The following IL2RB variants were observed in gnomAD, a reference collection of about 807,000 sequenced individuals.
IL2RB encodes the protein interleukin 2 receptor subunit beta.
Under a neutral mutation model 44.2 loss-of-function variants are expected in IL2RB, and 17 were observed. The ratio of observed to expected loss-of-function variants is 0.38; its 90% CI spans 0.26 to 0.58. The LOEUF (loss-of-function observed/expected upper bound fraction) is 0.58. Ranked by LOEUF, IL2RB falls within the 20% of genes least tolerant of loss-of-function variation. IL2RB has a pLI of 0.63. For synonymous variants in IL2RB, 286 were observed against 297.9 expected (o/e 0.96, Z 0.41); for missense variants, 624 against 685.5 (o/e 0.91, Z 1.00).
At chr22:37,158,821 C>T (rs1341106214) in intron 1 of IL2RB, among the ~76,000 whole-genome samples, 1 of 152,242 alleles carries the variant, frequency 6.6e-6, no homozygotes, top group Non-Finnish European at 1.5e-5. Context: ...CCAAGTCCTC[C>T]AGCCAGTTTC....
chr22:37,131,530 G>A (rs752253618), intron 9 of IL2RB, among the ~76,000 whole-genome samples: 11 of 152,170 alleles, frequency 7.2e-5, no homozygotes, highest in South Asian at 2.1e-4. Flanking sequence ...TCTGCGGGCC[G>A]GCACTTTAAA....
chr22:37,154,973 C>T, intron 1 of IL2RB, among the ~76,000 whole-genome samples: 1 of 152,174 alleles, frequency 6.6e-6, no homozygotes, highest in East Asian at 1.9e-4. Flanking sequence ...CCTCACCCCT[C>T]CTCAGACAAT....
Position 37,128,319 on chromosome 22 carries a change from C to T in IL2RB, c.1433G>A (p.Gly478Glu), listed in dbSNP as rs1921226894. The change falls in exon 10 of 10, where the codon GGA becomes GAA. Residue 478 changes from glycine (G) to glutamate (E), a missense_variant. Transcript: ENST00000216223. The surrounding 1 kb of genome is among the most constrained non-coding windows in gnomAD (Gnocchi z 4.5). The stretch of plus-strand genomic sequence containing the variant: ...CTGAAAATCCACCAGGTCTGGGACT[C>T]CTGGGGTGGGAGGCCCCAGGGGCTG... ...DPQPLGPPTPGVPDLVDFQPP... is the reference protein window; with the variant it reads ...DPQPLGPPTPEVPDLVDFQPP... 2.7e-6 allele frequency: 4 copies of T among 1,503,572 alleles called. No individual in the cohort carries two copies. The highest frequency in any genetic ancestry group is 3.5e-6 in the Non-Finnish European group (4 of 1,127,008). The allele number at this position is 1,503,572 out of a possible 1,614,324, so 93.1% of individuals were successfully genotyped here.
At chr22:37,163,138 A>G (rs924827010) in intron 1 of IL2RB, among the ~76,000 whole-genome samples, 1 of 152,136 alleles carries the variant, frequency 6.6e-6, no homozygotes, top group Non-Finnish European at 1.5e-5. Flanking sequence ...ACCTGAGCCA[A>G]ACAGAACTAG....
intron 1 of IL2RB, among the ~76,000 whole-genome samples, chr22:37,174,199 C>G (rs574975524): frequency 2.0e-5 from 3 of 152,304 alleles, no homozygotes; most frequent in South Asian, 4.1e-4. Flanking sequence ...TTTCACCCAC[C>G]CTTGCCACAT....
intron 1 of IL2RB, among the ~76,000 whole-genome samples, chr22:37,165,671 T>TA (rs1923045671): frequency 6.6e-6 from 1 of 151,664 alleles, no homozygotes; most frequent in Non-Finnish European, 1.5e-5. Context: ...AGAAGAGGGC[T>TA]TTTTTTAAAA....
At chr22:37,166,292 A>T (rs1923076849) in intron 1 of IL2RB, among the ~76,000 whole-genome samples, 2 of 150,436 alleles carry the variant, frequency 1.3e-5, no homozygotes, top group Non-Finnish European at 1.5e-5. Flanking sequence ...TGCCGAGAGG[A>T]AGCCCAAAAC....
chr22:37,138,547 G>A (rs2146238342), intron 5 of IL2RB, among the ~76,000 whole-genome samples: 1 of 152,320 alleles, frequency 6.6e-6, no homozygotes, highest in East Asian at 1.9e-4. Context: ...CCAGACCACT[G>A]TCCTGATGAG....
intron 1 of IL2RB, among the ~76,000 whole-genome samples, chr22:37,173,431 G>A (rs564998347): frequency 2.6e-5 from 4 of 152,294 alleles, no homozygotes; most frequent in African/African-American, 9.6e-5. Flanking sequence ...TATTGATTGG[G>A]TAAACAAATG....
intron 9 of IL2RB, among the ~76,000 whole-genome samples, chr22:37,129,821 C>T (rs1367010691): frequency 6.6e-6 from 1 of 152,212 alleles, no homozygotes; most frequent in Admixed American, 6.5e-5. Flanking sequence ...AGTTTGGGAG[C>T]CCTGACAACC....
At chr22:37,152,929 C>CTTTTTTTTTTTTT (rs67046193), upstream of IL2RB, among the ~76,000 whole-genome samples, 1 of 86,982 alleles carries the variant, frequency 1.1e-5, no homozygotes, top group African/African-American at 4.8e-5. Context: ...GCTGTGGCCT[C>CTTTTTTTTTTTTT]TTTTTTTTTT....
chr22:37,138,952 A>T, intron 5 of IL2RB, 165 bp downstream of exon 5: 1 of 587,598 alleles, frequency 1.7e-6, no homozygotes, highest in Non-Finnish European at 3.1e-6. Context: ...TGAATGCCAG[A>T]GGAAGGAGCC....
intron 1 of IL2RB, among the ~76,000 whole-genome samples, chr22:37,167,895 G>T (rs1923136907): frequency 1.3e-5 from 2 of 152,348 alleles, no homozygotes; most frequent in East Asian, 1.9e-4. Context: ...GAAGGGAAGG[G>T]GTGCGGGAGG....
At position 37,128,480 on chromosome 22, in the gene IL2RB, C is replaced by T; in HGVS notation, c.1272G>A (p.Arg424=). ...EDDAYCTFPS[R]DDLLLFSPSL... is the part of the protein sequence containing the mutation. ...TGGGGGAGAAGAGCAGCAGGTCATC[C>T]CTGGAGGGGAAGGTGCAGTAGGCGT... The change falls in exon 10 of 10, where the codon AGG becomes AGA. Residue 424 remains arginine (R), a synonymous_variant. Coordinates refer to ENST00000216223, the MANE Select transcript of IL2RB (RefSeq NM_000878.5). This position sits in a 1 kb window ranked among gnomAD's most constrained non-coding sequence, Gnocchi z 4.5. 2 of 1,596,862 alleles carry T rather than the reference C, an allele frequency of 1.3e-6. No homozygotes were observed. The highest frequency in any genetic ancestry group is 1.7e-6 in the Non-Finnish European group (2 of 1,168,942).
chr22:37,143,949 G>A, intron 2 of IL2RB, 136 bp downstream of exon 2: 2 of 1,125,526 alleles, frequency 1.8e-6, no homozygotes, highest in South Asian at 1.4e-5. Context: ...GCCAGGGCAG[G>A]GGTCCAGGAC....
chr22:37,174,335 T>C (rs1923383379), intron 1 of IL2RB, among the ~76,000 whole-genome samples: 1 of 152,174 alleles, frequency 6.6e-6, no homozygotes, highest in Admixed American at 6.5e-5. Flanking sequence ...AGAGATAACA[T>C]TCATAGGTCA....
chr22:37,141,648 T>A lies in IL2RB; in HGVS notation c.282+786A>T, dbSNP rs749003049. Among the ~76,000 whole-genome samples, 7 of 152,066 alleles carry A rather than the reference T, an allele frequency of 4.6e-5. No individual in the cohort carries two copies. Among genetic ancestry groups the A allele is most frequent in the Non-Finnish European group, 8.8e-5 (6 of 67,996 alleles). On this transcript the variant is annotated intron_variant, in intron 4 of 9. Coordinates refer to ENST00000216223, the MANE Select transcript of IL2RB (RefSeq NM_000878.5). This position sits in a 1 kb window ranked among gnomAD's most constrained non-coding sequence, Gnocchi z 4.4. ...GGCCTCCTCCTGCTCCAGTGCCCACTCCAATCTCAGAGCGGGACCAAGCCC... is the reference window on the plus strand; with the variant it reads ...GGCCTCCTCCTGCTCCAGTGCCCACACCAATCTCAGAGCGGGACCAAGCCC...
intron 1 of IL2RB, among the ~76,000 whole-genome samples, chr22:37,160,914 G>C (rs765759036): frequency 1.3e-5 from 2 of 152,194 alleles, no homozygotes; most frequent in Admixed American, 6.5e-5. Flanking sequence ...GGCCAAGGCA[G>C]GTGGATCACC....
At chr22:37,146,400 A>G (rs559931226) in intron 1 of IL2RB, among the ~76,000 whole-genome samples, 1 of 152,164 alleles carries the variant, frequency 6.6e-6, no homozygotes, top group Non-Finnish European at 1.5e-5. Context: ...CCCTGCCCTC[A>G]CAGGAGCAGG....
Sources: allele counts gnomAD v4.1 joint callset (sites outside exome capture counted in the v4.1 genomes callset), GRCh38; gene constraint gnomAD v4.1.1; non-coding constraint Gnocchi (gnomAD v3.1); transcripts MANE v1.5; gene names NCBI Gene and HGNC (gene_info 2026-07-23, HGNC 2026-07-21).